The following NCAM2 variants were observed in gnomAD, a reference collection of about 807,000 sequenced individuals.
NCAM2 encodes neural cell adhesion molecule 2, also known as N-CAM-2.
NCAM2 carries 30 observed loss-of-function variants against 98.1 expected under a neutral mutation model. That is an observed-to-expected ratio of 0.31 (90% CI 0.23 to 0.41). The LOEUF is 0.41. Ranked by LOEUF, NCAM2 falls within the 10% of genes least tolerant of loss-of-function variation. The pLI, the probability that NCAM2 is intolerant of heterozygous loss-of-function variation, is 1.00. For missense variants in NCAM2, 867 were observed against 1,005.8 expected, an observed-to-expected ratio of 0.86 and a Z score of 1.87; for synonymous variants, 368 against 342.4, an observed-to-expected ratio of 1.07 and a Z score of -0.83.
chr21:21,108,183 C>G (rs1366619106), intron 1 of NCAM2, among the ~76,000 whole-genome samples: 1 of 151,900 alleles, frequency 6.6e-6, no homozygotes, highest in Admixed American at 6.6e-5. Context: ...TTCAACCCAA[C>G]CATAACTAAA....
rs181744640 is a variant in NCAM2 at position 21,275,219 on chromosome 21, T to G, written c.56-5359T>G. Among the ~76,000 whole-genome samples, 1,257 of 152,006 alleles carry G rather than the reference T, an allele frequency of 8.3e-3. 16 individuals are homozygous for G. Among genetic ancestry groups the G allele is most frequent in the Non-Finnish European group, 0.012 (835 of 67,924 alleles). ...ACTTTGGGAGGCCGAGGCGGGTGGATCACCAGGTCAGGAGATTGAGACCAT... is the reference window on the plus strand; with the variant it reads ...ACTTTGGGAGGCCGAGGCGGGTGGAGCACCAGGTCAGGAGATTGAGACCAT... On this transcript the variant is annotated intron_variant, in intron 1 of 17. Transcript: ENST00000400546.
chr21:21,348,402 G>A (rs2075245540), intron 8 of NCAM2, among the ~76,000 whole-genome samples: 2 of 151,858 alleles, frequency 1.3e-5, no homozygotes, highest in African/African-American at 2.4e-5. Context: ...GAAGTGAAAT[G>A]TATCTATAAT....
chr21:21,266,191 G>A (rs531380073), intron 1 of NCAM2, among the ~76,000 whole-genome samples: 2 of 152,104 alleles, frequency 1.3e-5, no homozygotes, highest in Non-Finnish European at 2.9e-5. Context: ...TTCTGGGGAT[G>A]ACAGTGGGGA....
At chr21:21,434,492 G>A (rs928369845) in intron 12 of NCAM2, among the ~76,000 whole-genome samples, 4 of 152,142 alleles carry the variant, frequency 2.6e-5, no homozygotes, top group African/African-American at 9.7e-5. Flanking sequence ...GTATGTTAAT[G>A]AGTACCTTAA....
Position 21,539,315 on chromosome 21 carries a change from G to A in NCAM2, c.*1358G>A, listed in dbSNP as rs1210759635. 1 of 152,128 alleles carries A rather than the reference G, an allele frequency of 6.6e-6. No individual in the cohort carries two copies. The highest frequency in any genetic ancestry group is 2.4e-5 in the African/African-American group (1 of 41,422). The allele number at this position is 152,128 out of a possible 1,614,324, so 9.4% of individuals were successfully genotyped here. A position where few individuals can be genotyped will look rare whatever the true frequency, so the allele number is the denominator to read the frequency against. On this transcript the variant is annotated 3_prime_UTR_variant, in exon 18 of 18. Coordinates refer to ENST00000400546, the MANE Select transcript of NCAM2 (RefSeq NM_004540.5). ...AAACATACATACCATTTGGGAGCAG[G>A]TTTATTAACCTTGAGAGCCAAAGGT... is the stretch of plus-strand genomic sequence containing the variant.
intron 12 of NCAM2, among the ~76,000 whole-genome samples, chr21:21,455,382 G>C (rs1602394780): frequency 6.6e-6 from 1 of 151,616 alleles, no homozygotes; most frequent in African/African-American, 2.4e-5. Context: ...ATTTTTTTGA[G>C]CTCTAAAATG....
At chr21:21,065,290 A>G (rs1318305470) in intron 1 of NCAM2, among the ~76,000 whole-genome samples, 1 of 152,154 alleles carries the variant, frequency 6.6e-6, no homozygotes, top group Admixed American at 6.5e-5. Flanking sequence ...CTTTCCTTTA[A>G]TCCCATTTAA....
At chr21:21,137,462 G>A (rs966368266) in intron 1 of NCAM2, among the ~76,000 whole-genome samples, 4 of 152,072 alleles carry the variant, frequency 2.6e-5, no homozygotes, top group Non-Finnish European at 5.9e-5. Context: ...AATGTTGGCC[G>A]GGTGTAGCAT....
At chr21:21,472,074 A>G (rs1017574437) in intron 14 of NCAM2, among the ~76,000 whole-genome samples, 1 of 152,074 alleles carries the variant, frequency 6.6e-6, no homozygotes, top group African/African-American at 2.4e-5. Context: ...GTAACTTCAT[A>G]TAATTTAGTA....
chr21:21,010,325 C>G (rs935356593), intron 1 of NCAM2, among the ~76,000 whole-genome samples: 3 of 151,988 alleles, frequency 2.0e-5, no homozygotes, highest in African/African-American at 4.8e-5. Flanking sequence ...TTATGAAGGC[C>G]TATGTGCTTT....
chr21:21,325,516 A>G (rs1051873412), intron 6 of NCAM2, among the ~76,000 whole-genome samples: 17 of 152,174 alleles, frequency 1.1e-4, no homozygotes, highest in African/African-American at 4.1e-4. Flanking sequence ...TTCAGACACT[A>G]ATTTTCTTGG....
chr21:21,230,799 A>G (rs570192430), intron 1 of NCAM2, among the ~76,000 whole-genome samples: 2 of 151,444 alleles, frequency 1.3e-5, no homozygotes, highest in African/African-American at 4.8e-5. Context: ...AATCACAAAA[A>G]TATTGCATAA....
Position 21,538,652 on chromosome 21 carries a change from CTA to C in NCAM2, c.*697_*698del, listed in dbSNP as rs1446793363. 1.3e-5 allele frequency: 2 copies of C among 152,036 alleles called. No individual in the cohort carries two copies. Among genetic ancestry groups the C allele is most frequent in the Non-Finnish European group, 2.9e-5 (2 of 67,986 alleles). The allele number at this position is 152,036 out of a possible 1,614,324, so 9.4% of individuals were successfully genotyped here. Reference sequence around the variant, plus strand: ...TAGATTAGAAAGACTTTCTAAATCTCTATCTCTTTATATATGTCCTATTCATT... The same window carrying C: ...TAGATTAGAAAGACTTTCTAAATCTCTCTCTTTATATATGTCCTATTCATT... On this transcript the variant is annotated 3_prime_UTR_variant, in exon 18 of 18. Transcript: ENST00000400546.
At chr21:21,376,868 T>C (rs1170291491) in intron 9 of NCAM2, among the ~76,000 whole-genome samples, 1 of 151,808 alleles carries the variant, frequency 6.6e-6, no homozygotes, top group African/African-American at 2.4e-5. Context: ...AAAGGTCTTG[T>C]TTTCTAAAAG....
At chr21:21,292,907 A>G (rs570808025) in intron 5 of NCAM2, among the ~76,000 whole-genome samples, 4 of 152,044 alleles carry the variant, frequency 2.6e-5, no homozygotes, top group South Asian at 2.1e-4. Flanking sequence ...AGGCCTCAAG[A>G]CACAATCATG....
intron 9 of NCAM2, among the ~76,000 whole-genome samples, chr21:21,391,830 A>G (rs1167675192): frequency 6.6e-6 from 1 of 152,216 alleles, no homozygotes; most frequent in African/African-American, 2.4e-5. Flanking sequence ...TTTTTATGAT[A>G]ATCCTCTTTG....
At chr21:21,426,580 A>G (rs796270801) in intron 11 of NCAM2, among the ~76,000 whole-genome samples, 4 of 152,314 alleles carry the variant, frequency 2.6e-5, no homozygotes, top group African/African-American at 9.6e-5. Flanking sequence ...TGCAATGACT[A>G]ACTAGAGGTC....
chr21:21,264,308 C>T lies in NCAM2; in HGVS notation c.56-16270C>T, dbSNP rs76229669. ...AACCATAATGCAATAACATTTGACA[C>T]CAGCCAGAATGGCTATTATTAAAAA... On this transcript the variant is annotated intron_variant, in intron 1 of 17. Transcript: ENST00000400546. Among the ~76,000 whole-genome samples, 56 of 152,154 alleles carry T rather than the reference C, an allele frequency of 3.7e-4. No homozygotes were observed. The East Asian group carries it at 0.011, about 29-fold the overall frequency.
Position 21,001,304 on chromosome 21 carries a change from T to A in NCAM2, c.55+2686T>A, listed in dbSNP as rs143281718. Among the ~76,000 whole-genome samples the A allele has an allele frequency of 2.6e-4, 39 of 152,312 alleles. No individual in the cohort carries two copies. In the East Asian group the frequency reaches 6.4e-3, roughly 25 times the overall value. ...TGTACAGTAGTAAGACGCTTTTTTTTATTGTAGCAGAAATACTCCTTTAAA... is the reference window on the plus strand; with the variant it reads ...TGTACAGTAGTAAGACGCTTTTTTTAATTGTAGCAGAAATACTCCTTTAAA... On this transcript the variant is annotated intron_variant, in intron 1 of 17. Coordinates refer to ENST00000400546, the MANE Select transcript of NCAM2 (RefSeq NM_004540.5).
Sources: allele counts gnomAD v4.1 joint callset (sites outside exome capture counted in the v4.1 genomes callset), GRCh38; gene constraint gnomAD v4.1.1; transcripts MANE v1.5; gene names NCBI Gene and HGNC (gene_info 2026-07-23, HGNC 2026-07-21).